Variants in GSK3B observed in about 807,000 individuals in gnomAD.
GSK3B encodes the protein glycogen synthase kinase-3 beta.
GSK3B carries 15 observed loss-of-function variants against 56.4 expected under a neutral mutation model. That is an observed-to-expected ratio of 0.27 (90% CI 0.18 to 0.41). The LOEUF (loss-of-function observed/expected upper bound fraction) is 0.41, where lower values mean the gene tolerates loss of function less well. Among genes scored for constraint, GSK3B ranks in the 10% least tolerant of loss-of-function variants. The probability of loss-of-function intolerance (pLI) is 1.00; values close to 1 mark genes in which losing one functional copy is unlikely to be tolerated. For synonymous variants in GSK3B, 181 were observed against 188.9 expected (o/e 0.96, Z 0.34); for missense variants, 300 against 513.4 (o/e 0.58, Z 4.02).
At chr3:119,899,688 T>C (rs1308805635) in intron 7 of GSK3B, among the ~76,000 whole-genome samples, 1 of 152,090 alleles carries the variant, frequency 6.6e-6, no homozygotes, top group African/African-American at 2.4e-5. Flanking sequence ...TTTTGTTTAC[T>C]AACAAAAACA....
intron 7 of GSK3B, among the ~76,000 whole-genome samples, chr3:119,904,132 A>G (rs957602506): frequency 2.0e-5 from 3 of 151,634 alleles, no homozygotes; most frequent in African/African-American, 7.2e-5. Flanking sequence ...CTTCATCAAT[A>G]AAAAAATTTG....
Position 119,826,534 on chromosome 3 carries a change from C to T in GSK3B, c.*254G>A, listed in dbSNP as rs1034564302. 3.3e-6 allele frequency: 2 copies of T among 597,038 alleles called. No individual in the cohort carries two copies. Among genetic ancestry groups the T allele is most frequent in the Non-Finnish European group, 6.0e-6 (2 of 331,262 alleles). 37.0% of individuals were successfully genotyped at this position (597,038 alleles called of 1,614,324 possible). On this transcript the variant is annotated 3_prime_UTR_variant, in exon 11 of 11. Coordinates refer to ENST00000264235, the MANE Select transcript of GSK3B (RefSeq NM_001146156.2). ...GGGAGAGAGATTGTATGTTCTAGTG[C>T]TCCGCTTTCCCCCTCCCCACAACCC...
intron 7 of GSK3B, among the ~76,000 whole-genome samples, chr3:119,902,852 C>T (rs1007050553): frequency 1.3e-5 from 2 of 152,082 alleles, no homozygotes; most frequent in African/African-American, 4.8e-5. Context: ...GTAGCTGGGG[C>T]TACAGGCATG....
At chr3:119,866,669 G>A in intron 8 of GSK3B, 1 of 1,409,542 alleles carries the variant, frequency 7.1e-7, no homozygotes, top group Non-Finnish European at 1.0e-6. Flanking sequence ...AACAGGGGAA[G>A]TCAATCCAAA....
intron 2 of GSK3B, among the ~76,000 whole-genome samples, chr3:119,967,834 TTCTCTCTC>T (rs202156812): frequency 0.055 from 6,547 of 118,934 alleles, 516 homozygotes; most frequent in African/African-American, 0.2. Context: ...CTCTTTCTCT[TTCTCTCTC>T]TCTCTCTCTC....
At chr3:119,915,080 T>C (rs1193837180) in intron 5 of GSK3B, among the ~76,000 whole-genome samples, 1 of 152,076 alleles carries the variant, frequency 6.6e-6, no homozygotes, top group Non-Finnish European at 1.5e-5. Flanking sequence ...CTTGACTACA[T>C]GTTAAAAGGT....
chr3:119,903,947 G>A (rs1327127090), intron 7 of GSK3B, among the ~76,000 whole-genome samples: 3 of 152,102 alleles, frequency 2.0e-5, no homozygotes, highest in African/African-American at 7.2e-5. Context: ...TCTGTGTGAA[G>A]CCCATAAGCT....
At chr3:120,052,514 A>G (rs745890132) in intron 1 of GSK3B, among the ~76,000 whole-genome samples, 1 of 152,140 alleles carries the variant, frequency 6.6e-6, no homozygotes, top group Admixed American at 6.5e-5. Context: ...CCCAAGTAAA[A>G]TATCCCATAT....
chr3:119,954,291 AT>A lies in GSK3B; in HGVS notation c.283-6941del, dbSNP rs879447966. On this transcript the variant is annotated intron_variant, in intron 2 of 10. Coordinates refer to ENST00000264235, the MANE Select transcript of GSK3B (RefSeq NM_001146156.2). ...ATAGAATAGAATAGAATAGAATAGA[AT>A]AGAATAGAATAGAAAAGAAACAGAA... Among the ~76,000 whole-genome samples the A allele has an allele frequency of 8.4e-3, 1,178 of 139,868 alleles. 12 individuals carry two copies. Among genetic ancestry groups the A allele is most frequent in the Non-Finnish European group, 0.013 (877 of 65,206 alleles). The allele number at this position is 139,868 out of a possible 152,430, so 91.8% of individuals were successfully genotyped here. A position where few individuals can be genotyped will look rare whatever the true frequency, so the allele number is the denominator to read the frequency against.
chr3:120,088,030 C>T (rs1244902450), intron 1 of GSK3B, among the ~76,000 whole-genome samples: 11 of 152,128 alleles, frequency 7.2e-5, no homozygotes, highest in Admixed American at 7.2e-4. Flanking sequence ...GTAGCTGGGA[C>T]TACAGACGCA....
intron 2 of GSK3B, among the ~76,000 whole-genome samples, chr3:119,981,610 A>T (rs1034612843): frequency 1.3e-5 from 2 of 152,222 alleles, no homozygotes; most frequent in East Asian, 3.9e-4. Context: ...GTAGTCTGAG[A>T]TCGATCTGTC....
chr3:119,961,887 G>A (rs1451520277), intron 2 of GSK3B, among the ~76,000 whole-genome samples: 2 of 152,124 alleles, frequency 1.3e-5, no homozygotes, highest in African/African-American at 2.4e-5. Flanking sequence ...TATAGAATAG[G>A]CTATGCGATA....
chr3:120,055,442 ATTC>A (rs1559893626), intron 1 of GSK3B, among the ~76,000 whole-genome samples: 2 of 152,182 alleles, frequency 1.3e-5, no homozygotes, highest in Admixed American at 1.3e-4. Context: ...GCGACAAAAT[ATTC>A]TTTTTTGGTT....
intron 9 of GSK3B, among the ~76,000 whole-genome samples, chr3:119,856,988 T>C (rs1272883980): frequency 2.0e-5 from 3 of 152,178 alleles, no homozygotes; most frequent in Admixed American, 2.0e-4. Flanking sequence ...ATGTAAGTGA[T>C]GAGTTTACCC....
intron 4 of GSK3B, among the ~76,000 whole-genome samples, chr3:119,917,126 TG>T: frequency 6.6e-6 from 1 of 152,000 alleles, no homozygotes; most frequent in African/African-American, 2.4e-5. Context: ...ATAAATATCT[TG>T]GTAAAAAAAC....
chr3:119,974,224 C>T (rs897986139), intron 2 of GSK3B, among the ~76,000 whole-genome samples: 1 of 152,138 alleles, frequency 6.6e-6, no homozygotes. Context: ...TTACCCAAAA[C>T]ATACAAAGAA....
rs1296252569 is a variant in GSK3B at position 120,082,382 on chromosome 3, G to GTTT, written c.88+10964_88+10965insAAA. On this transcript the variant is annotated intron_variant, in intron 1 of 10. Coordinates refer to ENST00000264235, the MANE Select transcript of GSK3B (RefSeq NM_001146156.2). ...AAATGTGGCTAGCCCAAATTAGTAT[G>GTTT]TTCTTTTTTTTTTTTTTTTTTTTTT... Among the ~76,000 whole-genome samples, 165 of 72,432 alleles carry GTTT rather than the reference G, an allele frequency of 2.3e-3. 2 individuals carry two copies. Among genetic ancestry groups the GTTT allele is most frequent in the African/African-American group, 7.8e-3 (139 of 17,710 alleles). 47.5% of individuals were successfully genotyped at this position (72,432 alleles called of 152,430 possible).
At chr3:119,999,144 A>G (rs940074078) in intron 2 of GSK3B, among the ~76,000 whole-genome samples, 1 of 152,240 alleles carries the variant, frequency 6.6e-6, no homozygotes, top group Non-Finnish European at 1.5e-5. Flanking sequence ...TAATGCAACC[A>G]TTAGAGAATG....
In GSK3B at chr3:119,824,296, A is replaced by G. The variant is rs967219096; in HGVS notation, c.*2492T>C. Reference sequence around the variant, plus strand: ...TATAAAAGAGTTCTGTGATCCCACCATGATCCTTGAGAAAGAAAAATCACA... The same window carrying G: ...TATAAAAGAGTTCTGTGATCCCACCGTGATCCTTGAGAAAGAAAAATCACA... On this transcript the variant is annotated 3_prime_UTR_variant, in exon 11 of 11. Transcript: ENST00000264235. 4 of 224,972 alleles carry G rather than the reference A, an allele frequency of 1.8e-5. No homozygotes were observed. Among genetic ancestry groups the G allele is most frequent in the African/African-American group, 6.7e-5 (3 of 44,786 alleles). 13.9% of individuals were successfully genotyped at this position (224,972 alleles called of 1,614,324 possible). A position where few individuals can be genotyped will look rare whatever the true frequency, so the allele number is the denominator to read the frequency against.
Sources: allele counts gnomAD v4.1 joint callset (sites outside exome capture counted in the v4.1 genomes callset), GRCh38; gene constraint gnomAD v4.1.1; transcripts MANE v1.5; gene names NCBI Gene and HGNC (gene_info 2026-07-23, HGNC 2026-07-21).